DNAH14: variants seen among roughly 807,000 people sequenced by gnomAD.
DNAH14 encodes axonemal beta dynein heavy chain 14.
A neutral mutation model predicts 520.9 loss-of-function variants in DNAH14; 478 were observed. The observed-to-expected ratio is 0.92, with a 90% confidence interval of 0.85 to 0.99. DNAH14 has a LOEUF of 0.99. DNAH14 is among the 50% of genes least tolerant of loss of function. DNAH14 has a pLI of 0.00. For missense variants in DNAH14, 4,831 were observed against 5,234.5 expected, an observed-to-expected ratio of 0.92 and a Z score of 2.38; for synonymous variants, 1,581 against 1,757.2, an observed-to-expected ratio of 0.90 and a Z score of 2.51.
intron 23 of DNAH14, among the ~76,000 whole-genome samples, chr1:225,115,486 C>T (rs543041366): frequency 6.6e-6 from 1 of 152,244 alleles, no homozygotes; most frequent in African/African-American, 2.4e-5. Flanking sequence ...ACTTCATGAA[C>T]CAAGATTTTT....
At chr1:225,163,137 C>CAAAA (rs34356854) in intron 35 of DNAH14, among the ~76,000 whole-genome samples, 52 of 53,656 alleles carry the variant, frequency 9.7e-4, no homozygotes, top group African/African-American at 1.6e-3. Flanking sequence ...GACCCTATCT[C>CAAAA]AAAAAAAAAA....
chr1:225,080,820 G>T, intron 19 of DNAH14, 72 bp downstream of exon 19: 2 of 1,418,774 alleles, frequency 1.4e-6, no homozygotes, highest in Non-Finnish European at 9.3e-7. Flanking sequence ...CAAGAGCATT[G>T]TCCTTGGCTT....
intron 35 of DNAH14, among the ~76,000 whole-genome samples, chr1:225,159,812 T>C (rs2081363066): frequency 6.6e-6 from 1 of 152,174 alleles, no homozygotes; most frequent in South Asian, 2.1e-4. Context: ...GAGAATCAAA[T>C]TAGATCAGCA....
intron 8 of DNAH14, among the ~76,000 whole-genome samples, chr1:224,993,909 A>G (rs148489071): frequency 2.0e-5 from 3 of 152,042 alleles, no homozygotes; most frequent in African/African-American, 7.2e-5. Flanking sequence ...AGATATTTTT[A>G]AATTTCATTT....
At position 225,140,099 on chromosome 1, in the gene DNAH14, T is replaced by G. The variant is rs1336761193; in HGVS notation, c.4255-669T>G. Among the ~76,000 whole-genome samples, 5 of 152,360 alleles carry G rather than the reference T, an allele frequency of 3.3e-5. No homozygotes were observed. The East Asian group carries it at 9.6e-4, about 29-fold the overall frequency. ...CATTCATATCTTGATAGCTCTTATG[T>G]TTCTTGAGCACTTCAAATTTAATAT... On this transcript the variant is annotated intron_variant, in intron 27 of 85. Coordinates refer to ENST00000682510, the MANE Select transcript of DNAH14 (RefSeq NM_001367479.1).
At chr1:225,149,740 T>TG (rs1445835850) in intron 31 of DNAH14, among the ~76,000 whole-genome samples, 2 of 152,194 alleles carry the variant, frequency 1.3e-5, no homozygotes, top group Non-Finnish European at 2.9e-5. Flanking sequence ...TGTGTAGGAA[T>TG]GCTAGTGATT....
At chr1:225,013,460 G>C (rs574456472) in intron 10 of DNAH14, among the ~76,000 whole-genome samples, 99 of 152,278 alleles carry the variant, frequency 6.5e-4, no homozygotes, top group African/African-American at 2.4e-3. Flanking sequence ...CCCACTTGAG[G>C]AGGCAGTCAG....
At chr1:225,017,440 G>T (rs1387242374) in intron 10 of DNAH14, among the ~76,000 whole-genome samples, 6 of 152,200 alleles carry the variant, frequency 3.9e-5, no homozygotes, top group Admixed American at 3.9e-4. Flanking sequence ...TTCTCATGAG[G>T]CTCCTGCTAC....
At chr1:225,341,017 C>G (rs2095167318) in intron 69 of DNAH14, among the ~76,000 whole-genome samples, 1 of 152,196 alleles carries the variant, frequency 6.6e-6, no homozygotes, top group African/African-American at 2.4e-5. Context: ...GTACAGACAT[C>G]TGTTATATGT....
chr1:224,962,236 G>T (rs2060892926), intron 4 of DNAH14, among the ~76,000 whole-genome samples: 1 of 152,080 alleles, frequency 6.6e-6, no homozygotes, highest in African/African-American at 2.4e-5. Context: ...GAATATGATG[G>T]ACTGTCACTC....
chr1:225,387,411 G>A lies in DNAH14; in HGVS notation c.13078-968G>A, dbSNP rs1416961426. 3.3e-5 allele frequency among the ~76,000 whole-genome samples: 5 copies of A among 150,606 alleles called. No homozygotes were observed. In the East Asian group the frequency reaches 9.9e-4, roughly 30 times the overall value. The stretch of plus-strand genomic sequence containing the variant: ...AATAAATAAATAAATAAATAAATAA[G>A]AAAAGCAATGGGACAAGAGCACGGG... On this transcript the variant is annotated intron_variant, in intron 81 of 85. Transcript: ENST00000682510.
chr1:225,037,918 G>A (rs2067121639), intron 11 of DNAH14, among the ~76,000 whole-genome samples: 1 of 152,108 alleles, frequency 6.6e-6, no homozygotes, highest in African/African-American at 2.4e-5. Flanking sequence ...CCTGACCTCA[G>A]GTGATCTGAT....
intron 35 of DNAH14, among the ~76,000 whole-genome samples, chr1:225,166,931 C>A (rs1466487351): frequency 2.0e-5 from 3 of 152,180 alleles, no homozygotes; most frequent in African/African-American, 7.2e-5. Context: ...GTGGGATAAC[C>A]TGTCTGAGTA....
chr1:225,152,696 G>C lies in DNAH14; in HGVS notation c.5010-1G>C. The C allele has an allele frequency of 6.5e-7, 1 of 1,531,502 alleles. No individual in the cohort carries two copies. The allele number at this position is 1,531,502 out of a possible 1,614,324, so 94.9% of individuals were successfully genotyped here. ...TTGTTTGTTTTTCTTTTCCTCTTCA[G>C]ATACGGAGGTGGAGTAGAGCTCCCA... On this transcript the variant is annotated splice_acceptor_variant, in intron 32 of 85. Transcript: ENST00000682510. LOFTEE classifies it high-confidence loss of function.
At chr1:225,081,411 A>G (rs1393231441) in intron 19 of DNAH14, among the ~76,000 whole-genome samples, 2 of 152,182 alleles carry the variant, frequency 1.3e-5, no homozygotes, top group African/African-American at 4.8e-5. Context: ...AAAGAGAACA[A>G]TTGGGGGCAA....
At chr1:225,128,481 C>T (rs1299019511) in intron 27 of DNAH14, among the ~76,000 whole-genome samples, 2 of 152,190 alleles carry the variant, frequency 1.3e-5, no homozygotes, top group East Asian at 3.9e-4. Flanking sequence ...ATCAAGTGGG[C>T]TTCATGCCTG....
At chr1:224,940,117 A>G (rs904484697) in intron 1 of DNAH14, among the ~76,000 whole-genome samples, 2 of 152,192 alleles carry the variant, frequency 1.3e-5, no homozygotes, top group African/African-American at 4.8e-5. Context: ...AGAAAGCTTC[A>G]CTTACATGTG....
At chr1:225,241,975 G>A (rs989543192) in intron 43 of DNAH14, among the ~76,000 whole-genome samples, 1 of 152,138 alleles carries the variant, frequency 6.6e-6, no homozygotes, top group Non-Finnish European at 1.5e-5. Context: ...TGTAATCCCA[G>A]CACTTTGGGA....
At chr1:225,015,735 T>G (rs1206693353) in intron 10 of DNAH14, among the ~76,000 whole-genome samples, 1 of 152,150 alleles carries the variant, frequency 6.6e-6, no homozygotes, top group Admixed American at 6.6e-5. Flanking sequence ...ATAAGCAGAT[T>G]GATATAATAA....
Sources: allele counts gnomAD v4.1 joint callset (sites outside exome capture counted in the v4.1 genomes callset), GRCh38; gene constraint gnomAD v4.1.1; transcripts MANE v1.5; gene names NCBI Gene and HGNC (gene_info 2026-07-23, HGNC 2026-07-21).